The following SAMSN1 variants were observed in gnomAD, a reference collection of about 807,000 sequenced individuals.
SAMSN1 encodes SAM domain-containing protein SAMSN-1.
Under a neutral mutation model 42.0 loss-of-function variants are expected in SAMSN1, and 31 were observed. That is an observed-to-expected ratio of 0.74 (90% confidence interval 0.55 to 1.00). The LOEUF is 1.00. Ranked by LOEUF, SAMSN1 falls within the 50% of genes least tolerant of loss-of-function variation. SAMSN1 has a pLI of 0.00. For missense variants in SAMSN1, 464 were observed against 439.4 expected (o/e 1.06, Z -0.50); for synonymous variants, 178 against 151.9 (o/e 1.17, Z -1.26).
intron 2 of SAMSN1, among the ~76,000 whole-genome samples, chr21:14,634,209 A>T (rs1323504381): frequency 6.6e-6 from 1 of 151,306 alleles, no homozygotes; most frequent in South Asian, 2.1e-4. Flanking sequence ...TATAAAAAAA[A>T]CCCTAGAAGA....
chr21:14,504,782 C>T (rs1000131043), intron 5 of SAMSN1, among the ~76,000 whole-genome samples: 6 of 152,178 alleles, frequency 3.9e-5, no homozygotes, highest in Non-Finnish European at 8.8e-5. Context: ...AGATGATTGC[C>T]TAGGCACATT....
At chr21:14,586,186 C>T (rs1280463202), upstream of SAMSN1, among the ~76,000 whole-genome samples, 3 of 146,744 alleles carry the variant, frequency 2.0e-5, no homozygotes, top group Non-Finnish European at 4.5e-5. Context: ...TTGCTTGAAC[C>T]CGGGAGGCAG....
At chr21:14,517,546 C>T (rs1987970617) in intron 2 of SAMSN1, among the ~76,000 whole-genome samples, 2 of 152,088 alleles carry the variant, frequency 1.3e-5, no homozygotes, top group South Asian at 2.1e-4. Flanking sequence ...TTAATTAAAT[C>T]CACTGAGAAA....
chr21:14,599,242 G>T (rs1305237010), intron 6 of SAMSN1, among the ~76,000 whole-genome samples: 1 of 152,160 alleles, frequency 6.6e-6, no homozygotes, highest in Non-Finnish European at 1.5e-5. Context: ...TCAAGGGCGG[G>T]ATCAGATGGA....
At chr21:14,619,650 A>G (rs1211736046) in intron 2 of SAMSN1, 3 of 321,374 alleles carry the variant, frequency 9.3e-6, no homozygotes, top group Non-Finnish European at 2.0e-5. Context: ...TTCCTCACCT[A>G]TCACAAAGTT....
intron 6 of SAMSN1, chr21:14,594,138 C>G: frequency 1.6e-6 from 1 of 627,702 alleles, no homozygotes; most frequent in Non-Finnish European, 2.9e-6. Flanking sequence ...AAAAACAAAA[C>G]AAAAAAACTC....
At chr21:14,596,427 A>G (rs1476607810) in intron 6 of SAMSN1, among the ~76,000 whole-genome samples, 1 of 152,184 alleles carries the variant, frequency 6.6e-6, no homozygotes, top group Non-Finnish European at 1.5e-5. Context: ...TGGTTTTAAA[A>G]TACACTCACA....
chr21:14,544,590 CA>C (rs1980266268), intron 1 of SAMSN1, among the ~76,000 whole-genome samples: 2 of 152,266 alleles, frequency 1.3e-5, no homozygotes, highest in African/African-American at 4.8e-5. Flanking sequence ...TCATTCACAA[CA>C]AAACTTAGCA....
intron 7 of SAMSN1, among the ~76,000 whole-genome samples, chr21:14,588,529 G>T (rs373817702): frequency 1.3e-5 from 2 of 151,548 alleles, no homozygotes; most frequent in African/African-American, 4.8e-5. Flanking sequence ...GTGTTTTTTG[G>T]CTGCATAAAT....
intron 7 of SAMSN1, among the ~76,000 whole-genome samples, chr21:14,588,481 A>G (rs1216726994): frequency 6.7e-6 from 1 of 150,374 alleles, no homozygotes; most frequent in East Asian, 2.0e-4. Context: ...TTTGATTTGC[A>G]TTTCTCTGAT....
intron 1 of SAMSN1, among the ~76,000 whole-genome samples, chr21:14,539,357 C>T (rs763804535): frequency 6.6e-6 from 1 of 152,174 alleles, no homozygotes; most frequent in African/African-American, 2.4e-5. Flanking sequence ...CAAATTGCCT[C>T]TGTTTGCAGA....
intron 1 of SAMSN1, among the ~76,000 whole-genome samples, chr21:14,646,344 G>T (rs910948138): frequency 2.0e-5 from 3 of 152,156 alleles, no homozygotes; most frequent in African/African-American, 7.2e-5. Flanking sequence ...AACCTTACAG[G>T]CCAGGAGAGA....
chr21:14,505,895 G>A (rs55704614), intron 5 of SAMSN1, among the ~76,000 whole-genome samples: 8,482 of 152,074 alleles, frequency 0.056, 308 homozygotes, highest in Middle Eastern at 0.088. Context: ...ATTATATCAA[G>A]CACTCTTTCA....
chr21:14,531,042 ATAAC>A (rs1979237230), intron 1 of SAMSN1, among the ~76,000 whole-genome samples: 3 of 152,130 alleles, frequency 2.0e-5, no homozygotes, highest in South Asian at 2.1e-4. Flanking sequence ...TTTTAATTCT[ATAAC>A]TAAACAAAAA....
At chr21:14,639,813 T>C (rs1031534215) in intron 2 of SAMSN1, among the ~76,000 whole-genome samples, 4 of 152,152 alleles carry the variant, frequency 2.6e-5, no homozygotes, top group African/African-American at 9.7e-5. Context: ...TTTTGGCCGT[T>C]GTCCTCCAAT....
intron 3 of SAMSN1, among the ~76,000 whole-genome samples, 171 bp from the exon 4 acceptor site, chr21:14,512,744 C>G (rs577505018): frequency 4.0e-4 from 61 of 152,272 alleles, no homozygotes; most frequent in African/African-American, 1.3e-3. Flanking sequence ...AAACCTTTCA[C>G]AATATACTTG....
At chr21:14,620,004 T>G (rs1399376435) in intron 2 of SAMSN1, among the ~76,000 whole-genome samples, 1 of 151,528 alleles carries the variant, frequency 6.6e-6, no homozygotes, top group Admixed American at 6.6e-5. Flanking sequence ...CTTCTTAGAT[T>G]TTATGGCCTG....
intron 2 of SAMSN1, among the ~76,000 whole-genome samples, chr21:14,579,874 A>G (rs560084987): frequency 2.7e-4 from 41 of 152,256 alleles, no homozygotes; most frequent in Admixed American, 2.5e-3. Context: ...CAAATACTGA[A>G]CTAATTCCAG....
intron 1 of SAMSN1, among the ~76,000 whole-genome samples, chr21:14,529,384 C>G (rs1264327992): frequency 2.0e-5 from 3 of 152,168 alleles, no homozygotes; most frequent in African/African-American, 7.2e-5. Flanking sequence ...AATGACAGAT[C>G]CCACATTACT....
Sources: gnomAD v4.1 joint callset for allele counts (sites outside exome capture counted in the v4.1 genomes callset) on GRCh38, gnomAD v4.1.1 for gene constraint, MANE v1.5 for transcripts, NCBI Gene and HGNC (gene_info 2026-07-23, HGNC 2026-07-21) for gene names.